TECTB: variants seen among roughly 807,000 people sequenced by gnomAD.
TECTB encodes the protein tectorin beta, also known as beta-tectorin.
Under a neutral mutation model 43.3 loss-of-function variants are expected in TECTB, and 45 were observed. The observed-to-expected ratio is 1.04, with a 90% CI of 0.82 to 1.33. The LOEUF (loss-of-function observed/expected upper bound fraction) is 1.33. Ranked by LOEUF, TECTB falls within the 40% of genes most tolerant of loss-of-function variation. The probability of loss-of-function intolerance (pLI) is 0.00; values close to 1 mark genes in which losing one functional copy is unlikely to be tolerated. For synonymous variants in TECTB, 169 were observed against 156.7 expected, an observed-to-expected ratio of 1.08 and a Z score of -0.59; for missense variants, 399 against 404.7, an observed-to-expected ratio of 0.99 and a Z score of 0.12.
rs978448781 is a variant in TECTB at position 112,298,017 on chromosome 10, T to C, written c.672-52T>C. On this transcript the variant is annotated intron_variant, in intron 7 of 10. Coordinates refer to ENST00000646139, the MANE Select transcript of TECTB (RefSeq NM_058222.3). The stretch of plus-strand genomic sequence containing the variant: ...TGTGTGTAAATCGCTCAGCAGCTCT[T>C]GCTGGAGTTCAAGGAGATGACAGTT... The C allele has an allele frequency of 6.8e-6, 11 of 1,611,146 alleles. No individual in the cohort carries two copies. The African/African-American group carries it at 1.3e-4, about 20-fold the overall frequency.
Position 112,284,580 on chromosome 10 carries a change from TC to T in TECTB, c.126del (p.Glu43SerfsTer30), listed in dbSNP as rs779917594. On this transcript the variant is annotated frameshift_variant, in exon 3 of 11. Transcript: ENST00000646139. LOFTEE classifies it high-confidence loss of function. ...TATCCCAAAACCATCATCACCAAAA[TC>T]CCCGAGTGTCCCTATGGATGGGAAG... is the stretch of plus-strand genomic sequence containing the variant. ...FCYPKTIITK[I>X]PECPYGWEVH... The T allele has an allele frequency of 2.5e-6, 4 of 1,612,412 alleles. No homozygotes were observed. The Admixed American group carries it at 6.7e-5, about 27-fold the overall frequency.
chr10:112,294,908 G>A (rs1158923516), intron 7 of TECTB, among the ~76,000 whole-genome samples: 1 of 152,234 alleles, frequency 6.6e-6, no homozygotes, highest in African/African-American at 2.4e-5. Context: ...ATGGCTTTGT[G>A]TTCTTAAATC....
At chr10:112,287,033 C>A (rs1291150320) in intron 5 of TECTB, among the ~76,000 whole-genome samples, 1 of 152,182 alleles carries the variant, frequency 6.6e-6, no homozygotes, top group Non-Finnish European at 1.5e-5. Flanking sequence ...ATAAGACAGC[C>A]AATGTCTGAC....
At chr10:112,285,532 T>G (rs897798731) in intron 3 of TECTB, among the ~76,000 whole-genome samples, 2 of 152,208 alleles carry the variant, frequency 1.3e-5, no homozygotes, top group African/African-American at 4.8e-5. Context: ...GAACTAGAAA[T>G]CAGCTGTGTG....
At chr10:112,300,250 GAAAGAAAGAAAGAAAGAAAGAAAGA>G in intron 9 of TECTB, among the ~76,000 whole-genome samples, 1 of 42,976 alleles carries the variant, frequency 2.3e-5, no homozygotes, top group Non-Finnish European at 4.7e-5. Flanking sequence ...AAGAAAGAAA[GAAAGAAAGAAAGAAAGAAAGAAAGA>G]AAGAAAAGAA....
At chr10:112,294,127 T>C (rs1319189763) in intron 7 of TECTB, 66 bp downstream of exon 7, 5 of 1,490,166 alleles carry the variant, frequency 3.4e-6, no homozygotes, top group Admixed American at 3.4e-5. Context: ...TACTTTGCTC[T>C]GGCTTGGGAA....
At chr10:112,300,908 G>A (rs1848605923) in intron 9 of TECTB, among the ~76,000 whole-genome samples, 1 of 152,212 alleles carries the variant, frequency 6.6e-6, no homozygotes, top group African/African-American at 2.4e-5. Context: ...ATCTCCAAGT[G>A]AGACCTGAAG....
intron 7 of TECTB, among the ~76,000 whole-genome samples, chr10:112,297,053 CTAGT>C (rs1448800193): frequency 1.3e-5 from 2 of 152,164 alleles, no homozygotes; most frequent in Non-Finnish European, 2.9e-5. Flanking sequence ...TTTCCAACAC[CTAGT>C]TAAAGGAACG....
At chr10:112,287,952 G>A (rs1365227869) in intron 5 of TECTB, among the ~76,000 whole-genome samples, 3 of 152,154 alleles carry the variant, frequency 2.0e-5, no homozygotes, top group African/African-American at 4.8e-5. Context: ...GTTAAGTACC[G>A]AGAAAGGGAA....
At chr10:112,300,199 A>T in intron 9 of TECTB, among the ~76,000 whole-genome samples, 1 of 135,456 alleles carries the variant, frequency 7.4e-6, no homozygotes, top group Non-Finnish European at 1.6e-5. Flanking sequence ...AAGAAGAAAG[A>T]AAGAGAGACA....
intron 5 of TECTB, among the ~76,000 whole-genome samples, chr10:112,287,128 T>C (rs770806074): frequency 6.6e-6 from 1 of 152,164 alleles, no homozygotes. Flanking sequence ...GCCCAATGTA[T>C]TGAGGTTCCT....
intron 2 of TECTB, 101 bp downstream of exon 2, chr10:112,283,911 AT>A: frequency 7.8e-7 from 1 of 1,277,226 alleles, no homozygotes; most frequent in East Asian, 2.6e-5. Flanking sequence ...TAAAAATGTA[AT>A]GATGTAGCCA....
Position 112,298,164 on chromosome 10 carries a change from A to C in TECTB, c.767A>C (p.Lys256Thr). 1 of 1,614,176 alleles carries C rather than the reference A, an allele frequency of 6.2e-7. No individual in the cohort carries two copies. The highest frequency in any genetic ancestry group is 1.1e-5 in the South Asian group (1 of 91,082). Residue 256 changes from lysine (K) to threonine (T), a missense_variant, in exon 8 of 11, where the codon AAA (lysine) becomes ACA (threonine). Physicochemically the swap from Lys to Thr is moderately conservative, Grantham distance 78. Transcript: ENST00000646139. ...FNAFRFQNIPKLSKVWLHCET... is the reference protein window; with the variant it reads ...FNAFRFQNIPTLSKVWLHCET... Reference sequence around the variant, plus strand: ...GCTTTCCGGTTCCAGAACATCCCCAAACTCTCCAAGGTGTGGTTACACTGT... The same window carrying C: ...GCTTTCCGGTTCCAGAACATCCCCACACTCTCCAAGGTGTGGTTACACTGT...
In TECTB at chr10:112,293,723, A is replaced by C; in HGVS notation, c.484-15A>C. On this transcript the variant is annotated splice_polypyrimidine_tract_variant and intron_variant, in intron 5 of 10. Transcript: ENST00000646139. Reference sequence around the variant, plus strand: ...CTGAGAGTTCATAATGCCCAGTGTCAATTTCCTTCCAAAGAATGCCAAGTT... The same window carrying C: ...CTGAGAGTTCATAATGCCCAGTGTCCATTTCCTTCCAAAGAATGCCAAGTT... The C allele has an allele frequency of 6.2e-7, 1 of 1,610,960 alleles. No individual in the cohort carries two copies. The highest frequency in any genetic ancestry group is 8.5e-7 in the Non-Finnish European group (1 of 1,177,170).
intron 5 of TECTB, among the ~76,000 whole-genome samples, chr10:112,288,632 T>C (rs921356530): frequency 1.3e-5 from 2 of 152,224 alleles, no homozygotes; most frequent in Non-Finnish European, 2.9e-5. Flanking sequence ...AGCATTCTTA[T>C]GTGTTTCTGA....
Position 112,304,341 on chromosome 10 carries a change from A to G in TECTB, c.*1029A>G, listed in dbSNP as rs1308250770. ...TGTCTCATTCACTTACAATCATTAG[A>G]ATGAAGCTAACACAAAATCAGAAAC... On this transcript the variant is annotated 3_prime_UTR_variant, in exon 11 of 11. Coordinates refer to ENST00000646139, the MANE Select transcript of TECTB (RefSeq NM_058222.3). 1 of 152,264 alleles carries G rather than the reference A, an allele frequency of 6.6e-6. No individual in the cohort carries two copies. Among genetic ancestry groups the G allele is most frequent in the Non-Finnish European group, 1.5e-5 (1 of 68,044 alleles). The allele number at this position is 152,264 out of a possible 1,614,324, so 9.4% of individuals were successfully genotyped here.
At chr10:112,299,596 A>G (rs1408229529) in intron 9 of TECTB, 32 bp downstream of exon 9, 2 of 1,607,514 alleles carry the variant, frequency 1.2e-6, no homozygotes, top group Admixed American at 1.7e-5. Context: ...TGTTTTCCAA[A>G]CGGTTGAGTT....
rs1274259940 is a variant in TECTB at position 112,286,083 on chromosome 10, A to G, written c.280A>G (p.Ile94Val). The G allele has an allele frequency of 1.2e-5, 19 of 1,613,956 alleles. No individual in the cohort carries two copies. The highest frequency in any genetic ancestry group is 1.5e-5 in the Non-Finnish European group (18 of 1,179,978). ...TTTCTTTGTCCAGTACAAGCCACCT[A>G]TCTATCACTTCTACAGTCACATCGT... ...CGTQSEYKPPIYHFYSHIVSN... is the reference protein window; with the variant it reads ...CGTQSEYKPPVYHFYSHIVSN... Residue 94 changes from isoleucine to valine, a missense_variant, in exon 4 of 11, where the codon ATC (isoleucine) becomes GTC (valine). Transcript: ENST00000646139.
chr10:112,291,678 C>T (rs1848500531), intron 5 of TECTB, among the ~76,000 whole-genome samples: 1 of 152,230 alleles, frequency 6.6e-6, no homozygotes, highest in Non-Finnish European at 1.5e-5. Flanking sequence ...CTGGTCTAAG[C>T]TTTATTCTCC....
Sources: allele counts gnomAD v4.1 joint callset (sites outside exome capture counted in the v4.1 genomes callset), GRCh38; gene constraint gnomAD v4.1.1; transcripts MANE v1.5; gene names NCBI Gene and HGNC (gene_info 2026-07-23, HGNC 2026-07-21).